Variants in ARHGEF12 observed in about 807,000 individuals in gnomAD.
ARHGEF12 encodes the protein KMT2A/ARHGEF12 fusion protein.
A neutral mutation model predicts 211.2 loss-of-function variants in ARHGEF12; 66 were observed. That is an observed-to-expected ratio of 0.31 (90% confidence interval 0.26 to 0.38). ARHGEF12 has a LOEUF of 0.38. Ranked by LOEUF, ARHGEF12 falls within the 10% of genes least tolerant of loss-of-function variation. The probability of loss-of-function intolerance (pLI) is 1.00; values close to 1 mark genes in which losing one functional copy is unlikely to be tolerated. For synonymous variants in ARHGEF12, 592 were observed against 638.4 expected, an observed-to-expected ratio of 0.93 and a Z score of 1.09; for missense variants, 1,429 against 1,869.5, an observed-to-expected ratio of 0.76 and a Z score of 4.34.
At chr11:120,460,799 C>G in intron 27 of ARHGEF12, 42 bp downstream of exon 27, 1 of 1,513,928 alleles carries the variant, frequency 6.6e-7, no homozygotes, top group Non-Finnish European at 9.2e-7. Context: ...TTTATGGACA[C>G]TTGATGGTTA....
chr11:120,369,128 T>C (rs566222000), intron 1 of ARHGEF12, among the ~76,000 whole-genome samples: 245 of 147,684 alleles, frequency 1.7e-3, no homozygotes, highest in African/African-American at 4.8e-3. Flanking sequence ...TTTTCTTCTT[T>C]TTTTTTTTTT....
Position 120,488,760 on chromosome 11 carries a change from T to C in ARHGEF12, c.*3683T>C. The C allele has an allele frequency of 4.7e-6, 1 of 214,170 alleles. No individual in the cohort carries two copies. Among genetic ancestry groups the C allele is most frequent in the Non-Finnish European group, 9.5e-6 (1 of 105,662 alleles). The allele number at this position is 214,170 out of a possible 1,614,324, so 13.3% of individuals were successfully genotyped here. ...GTTCACCATACAATCATGTACTCTT[T>C]AACAGAAATTGCTTTTAAAAAATAT... On this transcript the variant is annotated 3_prime_UTR_variant, in exon 41 of 41. Transcript: ENST00000397843.
chr11:120,373,080 A>G (rs1035655695), intron 1 of ARHGEF12, among the ~76,000 whole-genome samples: 2 of 152,214 alleles, frequency 1.3e-5, no homozygotes, highest in African/African-American at 2.4e-5. Flanking sequence ...TAACCATTAT[A>G]TAAAATTTCT....
chr11:120,467,335 G>A (rs1946732016), intron 29 of ARHGEF12, 27 bp downstream of exon 29: 1 of 1,435,318 alleles, frequency 7.0e-7, no homozygotes, highest in South Asian at 1.2e-5. Context: ...GAAATAAAAA[G>A]CTTAAGAACA....
chr11:120,465,397 G>C (rs781220014), intron 28 of ARHGEF12, 35 bp downstream of exon 28: 2 of 1,611,066 alleles, frequency 1.2e-6, no homozygotes, highest in South Asian at 2.2e-5. Context: ...AAAAAAATAA[G>C]GCAAGTTTTT....
chr11:120,451,629 A>G lies in ARHGEF12; in HGVS notation c.1961A>G (p.Glu654Gly). Residue 654 changes from glutamate to glycine, a missense_variant, in exon 22 of 41, where the codon GAA becomes GGA. This residue lies in a region of ARHGEF12 where 373 missense variants were observed against 467.5 expected (regional missense o/e 0.80). Coordinates refer to ENST00000397843, the MANE Select transcript of ARHGEF12 (RefSeq NM_015313.3). Reference sequence around the variant, plus strand: ...TTGCGCCAGAGTGGGTTAGCAAATGAAGGAACAGACGCTGGATACCTGCCT... The same window carrying G: ...TTGCGCCAGAGTGGGTTAGCAAATGGAGGAACAGACGCTGGATACCTGCCT... ...AKLRQSGLAN[E>G]GTDAGYLPAN... is the part of the protein sequence containing the mutation. 6.2e-7 allele frequency: 1 copy of G among 1,614,122 alleles called. No homozygotes were observed. The highest frequency in any genetic ancestry group is 8.5e-7 in the Non-Finnish European group (1 of 1,180,016).
chr11:120,413,330 C>T (rs1003774337), intron 4 of ARHGEF12, among the ~76,000 whole-genome samples: 1 of 152,222 alleles, frequency 6.6e-6, no homozygotes, highest in Non-Finnish European at 1.5e-5. Context: ...TTTGTTGTTT[C>T]TGAATGTTGA....
intron 1 of ARHGEF12, among the ~76,000 whole-genome samples, chr11:120,350,473 C>T (rs1250468416): frequency 6.6e-6 from 1 of 150,680 alleles, no homozygotes; most frequent in African/African-American, 2.4e-5. Context: ...TGAGATCACG[C>T]CACTGCACTC....
chr11:120,450,944 C>T (rs11217873), intron 21 of ARHGEF12: 28,039 of 152,360 alleles, frequency 0.18, 2,949 homozygotes, highest in Non-Finnish European at 0.23. Flanking sequence ...TCCTCTTCCT[C>T]GCTTTCGTCG....
At chr11:120,441,033 A>G (rs781298849) in intron 13 of ARHGEF12, among the ~76,000 whole-genome samples, 1 of 152,166 alleles carries the variant, frequency 6.6e-6, no homozygotes, top group African/African-American at 2.4e-5. Flanking sequence ...AATGAACCTC[A>G]GTTGGTCATG....
At chr11:120,473,645 C>G (rs1946942985) in intron 31 of ARHGEF12, among the ~76,000 whole-genome samples, 2 of 152,222 alleles carry the variant, frequency 1.3e-5, no homozygotes, top group African/African-American at 2.4e-5. Context: ...GTGCTCCTTT[C>G]TCAGCCTCCC....
rs369551284 is a variant in ARHGEF12, at chr11:120,367,600, A to G, written c.32+30325A>G. Among the ~76,000 whole-genome samples the G allele has an allele frequency of 4.9e-4, 75 of 152,058 alleles. No individual in the cohort carries two copies. In the East Asian group the frequency reaches 0.012, roughly 25 times the overall value. ...AGGCTGGTCTCAAACTCCTGACCTC[A>G]TGATCTGCCCACCTTGGCCTCCCAA... On this transcript the variant is annotated intron_variant, in intron 1 of 40. Transcript: ENST00000397843.
rs899512713 is a variant in ARHGEF12, at chr11:120,336,467, A to G, written c.-777A>G. 1.3e-5 allele frequency among the ~76,000 whole-genome samples: 2 copies of G among 151,564 alleles called. No homozygotes were observed. Among genetic ancestry groups the G allele is most frequent in the African/African-American group, 4.8e-5 (2 of 41,328 alleles). On this transcript the variant is annotated 5_prime_UTR_variant, in exon 1 of 41. Coordinates refer to ENST00000397843, the MANE Select transcript of ARHGEF12 (RefSeq NM_015313.3). Reference sequence around the variant, plus strand: ...AGACGCCGCCGCCTCCGCCTCCCGGACCAGGGCTTCCAGGCCGGGCCGGAC... The same window carrying G: ...AGACGCCGCCGCCTCCGCCTCCCGGGCCAGGGCTTCCAGGCCGGGCCGGAC...
intron 1 of ARHGEF12, among the ~76,000 whole-genome samples, chr11:120,373,013 C>T: frequency 7.9e-6 from 1 of 126,870 alleles, no homozygotes; most frequent in African/African-American, 3.2e-5. Flanking sequence ...ATAATCTAAA[C>T]TGAAACAAGA....
rs756005144 is a variant in ARHGEF12 at position 120,477,571 on chromosome 11, T to G, written c.3532+45T>G. The G allele has an allele frequency of 2.6e-6, 4 of 1,558,892 alleles. No homozygotes were observed. In the Admixed American group the frequency reaches 6.9e-5, roughly 27 times the overall value. ...TCAATGGAGAATGTGCTCTATTATCTGTTAAAATGCTGGCCGGATGTGGTG... is the reference window on the plus strand; with the variant it reads ...TCAATGGAGAATGTGCTCTATTATCGGTTAAAATGCTGGCCGGATGTGGTG... On this transcript the variant is annotated intron_variant, in intron 36 of 40. Transcript: ENST00000397843.
Position 120,448,312 on chromosome 11 carries a change from C to G in ARHGEF12, c.1701C>G (p.His567Gln), listed in dbSNP as rs972182212. The G allele has an allele frequency of 3.1e-6, 5 of 1,613,984 alleles. No homozygotes were observed. Among genetic ancestry groups the G allele is most frequent in the Non-Finnish European group, 3.4e-6 (4 of 1,179,986 alleles). The change falls in exon 20 of 41, where the codon CAC becomes CAG. Residue 567 changes from histidine (H) to glutamine (Q), a missense_variant. By Grantham distance (24) the His-to-Gln change is conservative (BLOSUM62 0). Around this residue, in one of 7 missense-constraint regions of ARHGEF12, gnomAD observed 373 missense variants for 467.5 expected, o/e 0.80. Transcript: ENST00000397843. Reference protein sequence around the residue: ...VKVKEPRNLEHKRGRIGFLPK... With the variant: ...VKVKEPRNLEQKRGRIGFLPK... ...TGAAAGAGCCTCGAAATTTGGAGCA[C>G]AAACGGGGTCGGATTGGATTTCTTC...
chr11:120,443,781 A>G (rs1044415964), intron 15 of ARHGEF12, among the ~76,000 whole-genome samples: 2 of 152,228 alleles, frequency 1.3e-5, no homozygotes, highest in Non-Finnish European at 2.9e-5. Context: ...AAGGAAAAAA[A>G]CAAAAGCCAA....
rs1301766888 is a variant in ARHGEF12 at position 120,426,966 on chromosome 11, T to G, written c.407-1103T>G. Reference sequence around the variant, plus strand: ...ATCTCGGCTCACTGCAACCTCCGCCTCCCAGGTTCAAGTGATTCTCCTGCC... The same window carrying G: ...ATCTCGGCTCACTGCAACCTCCGCCGCCCAGGTTCAAGTGATTCTCCTGCC... On this transcript the variant is annotated intron_variant, in intron 7 of 40. Coordinates refer to ENST00000397843, the MANE Select transcript of ARHGEF12 (RefSeq NM_015313.3). Among the ~76,000 whole-genome samples, 3 of 152,248 alleles carry G rather than the reference T, an allele frequency of 2.0e-5. No individual in the cohort carries two copies. The East Asian group carries it at 5.8e-4, about 29-fold the overall frequency.
intron 1 of ARHGEF12, among the ~76,000 whole-genome samples, chr11:120,376,965 C>T (rs146510016): frequency 2.6e-5 from 4 of 152,212 alleles, no homozygotes; most frequent in South Asian, 2.1e-4. Flanking sequence ...TGGCAAGTGA[C>T]GGGATCTCAT....
Sources: gnomAD v4.1 joint callset for allele counts (sites outside exome capture counted in the v4.1 genomes callset) on GRCh38, gnomAD v4.1.1 for gene constraint, gnomAD v4.1.1 regional missense constraint, MANE v1.5 for transcripts, NCBI Gene and HGNC (gene_info 2026-07-23, HGNC 2026-07-21) for gene names.